Variants in CHORDC1 observed in about 807,000 individuals in gnomAD.
CHORDC1 encodes the protein cysteine and histidine-rich domain-containing protein 1.
A neutral mutation model predicts 48.3 loss-of-function variants in CHORDC1; 25 were observed. The ratio of observed to expected loss-of-function variants is 0.52; its 90% confidence interval spans 0.38 to 0.72. CHORDC1 has a LOEUF of 0.72. Ranked by LOEUF, CHORDC1 falls within the 30% of genes least tolerant of loss-of-function variation. The probability of loss-of-function intolerance (pLI) is 0.00; values close to 1 mark genes in which losing one functional copy is unlikely to be tolerated. For synonymous variants in CHORDC1, 128 were observed against 126.4 expected, an observed-to-expected ratio of 1.01 and a Z score of -0.09; for missense variants, 317 against 388.7, an observed-to-expected ratio of 0.82 and a Z score of 1.55.
At chr11:90,220,477 C>A (rs1858138563) in intron 1 of CHORDC1, among the ~76,000 whole-genome samples, 1 of 152,022 alleles carries the variant, frequency 6.6e-6, no homozygotes, top group African/African-American at 2.4e-5. Context: ...GAGAATAGAT[C>A]CAGTATTTTC....
At position 90,201,845 on chromosome 11, in the gene CHORDC1, C is replaced by A. The variant is rs1408588205; in HGVS notation, c.*560G>T. 1 of 152,298 alleles carries A rather than the reference C, an allele frequency of 6.6e-6. No homozygotes were observed. Among genetic ancestry groups the A allele is most frequent in the African/African-American group, 2.4e-5 (1 of 41,392 alleles). 9.4% of individuals were successfully genotyped at this position (152,298 alleles called of 1,614,324 possible). A position where few individuals can be genotyped will look rare whatever the true frequency, so the allele number is the denominator to read the frequency against. ...ATTTAAAAATTCAAGTAGTTGTAAA[C>A]AAATTCTAATTTGTTAAACAATTCA... is the stretch of plus-strand genomic sequence containing the variant. On this transcript the variant is annotated 3_prime_UTR_variant, in exon 11 of 11. Transcript: ENST00000320585.
Position 90,205,574 on chromosome 11 carries a change from TATC to T in CHORDC1, c.564-12_564-10del. The T allele has an allele frequency of 6.7e-7, 1 of 1,493,310 alleles. No individual in the cohort carries two copies. The highest frequency in any genetic ancestry group is 1.2e-5 in the South Asian group (1 of 82,930). The allele number at this position is 1,493,310 out of a possible 1,614,324, so 92.5% of individuals were successfully genotyped here. A position where few individuals can be genotyped will look rare whatever the true frequency, so the allele number is the denominator to read the frequency against. On this transcript the variant is annotated splice_polypyrimidine_tract_variant and intron_variant, in intron 7 of 10. Transcript: ENST00000320585. ...AGCTCCAGTATTTCATCCTTTAAATTATCACAGAAAAACTTCAGAAATAAAATC... is the reference window on the plus strand; with the variant it reads ...AGCTCCAGTATTTCATCCTTTAAATTACAGAAAAACTTCAGAAATAAAATC...
intron 2 of CHORDC1, 29 bp downstream of exon 2, chr11:90,218,106 T>C (rs1433627562): frequency 1.4e-6 from 2 of 1,472,556 alleles, no homozygotes; most frequent in Non-Finnish European, 9.2e-7. Context: ...ACTACACAGA[T>C]ATGAAAAAAA....
intron 4 of CHORDC1, chr11:90,212,887 T>G (rs1393122147): frequency 6.6e-6 from 1 of 152,100 alleles, no homozygotes; most frequent in Non-Finnish European, 1.5e-5. Context: ...CTTCTCAAAG[T>G]GCTGGATTAT....
At chr11:90,204,013 T>TA (rs1857605926) in intron 8 of CHORDC1, among the ~76,000 whole-genome samples, 1 of 152,166 alleles carries the variant, frequency 6.6e-6, no homozygotes, top group African/African-American at 2.4e-5. Context: ...TATTTTTTTT[T>TA]ATAGAGGCAA....
In CHORDC1 at chr11:90,200,874, A is replaced by G. The variant is rs1274308391; in HGVS notation, c.*1531T>C. Among the ~76,000 whole-genome samples, 1 of 151,966 alleles carries G rather than the reference A, an allele frequency of 6.6e-6. No individual in the cohort carries two copies. Among genetic ancestry groups the G allele is most frequent in the Non-Finnish European group, 1.5e-5 (1 of 67,854 alleles). ...AACCCATAAAGACTTCATGTCTCTA[A>G]ATGGTTCCTAAATCATGGAAGATAA... On this transcript the variant is annotated 3_prime_UTR_variant, in exon 11 of 11. Coordinates refer to ENST00000320585, the MANE Select transcript of CHORDC1 (RefSeq NM_012124.3).
chr11:90,220,725 G>A (rs1191742024), intron 1 of CHORDC1, among the ~76,000 whole-genome samples: 1 of 152,050 alleles, frequency 6.6e-6, no homozygotes, highest in African/African-American at 2.4e-5. Context: ...AGTTTTAAGA[G>A]TTTTGGCAAA....
At chr11:90,207,122 A>G (rs1857718114) in intron 6 of CHORDC1, 1 of 207,522 alleles carries the variant, frequency 4.8e-6, no homozygotes, top group Non-Finnish European at 1.0e-5. Context: ...CCTCTTCAGC[A>G]TCTCCTCTCC....
At position 90,202,521 on chromosome 11, in the gene CHORDC1, T is replaced by C. The variant is rs781220550; in HGVS notation, c.883A>G (p.Met295Val). ...VIDVKRSYVT[M>V]TATKIEITMR... Reference sequence around the variant, plus strand: ...GTGATTTCAATCTTTGTTGCAGTCATAGTTACATAACTTCGCTTTACATCA... The same window carrying C: ...GTGATTTCAATCTTTGTTGCAGTCACAGTTACATAACTTCGCTTTACATCA... Residue 295 changes from methionine to valine, a missense_variant, in exon 11 of 11, where the codon ATG becomes GTG. Physicochemically the swap from Met to Val is conservative, Grantham distance 21 (BLOSUM62 1). Transcript: ENST00000320585. 31 of 1,613,352 alleles carry C rather than the reference T, an allele frequency of 1.9e-5. 1 individual carries two copies. The highest frequency in any genetic ancestry group is 2.4e-5 in the Non-Finnish European group (28 of 1,179,640).
chr11:90,206,044 T>C, intron 7 of CHORDC1, 158 bp downstream of exon 7: 1 of 642,568 alleles, frequency 1.6e-6, no homozygotes. Context: ...ACACACAACA[T>C]ACAAACCCCT....
intron 1 of CHORDC1, 104 bp from the exon 2 acceptor site, chr11:90,218,288 A>C (rs1858071682): frequency 7.9e-6 from 6 of 763,676 alleles, no homozygotes; most frequent in Non-Finnish European, 1.2e-5. Flanking sequence ...CTTTTTCCAA[A>C]CGCAAGTACC....
At position 90,201,940 on chromosome 11, in the gene CHORDC1, A is replaced by C. The variant is rs1857552932; in HGVS notation, c.*465T>G. On this transcript the variant is annotated 3_prime_UTR_variant, in exon 11 of 11. Transcript: ENST00000320585. ...TTAAAAAAGTAATCATCCCACATAG[A>C]AAAAACTGCAGAGCTTCATCTCTTC... 1 of 152,542 alleles carries C rather than the reference A, an allele frequency of 6.6e-6. No individual in the cohort carries two copies. The highest frequency in any genetic ancestry group is 6.5e-5 in the Admixed American group (1 of 15,270). The allele number at this position is 152,542 out of a possible 1,614,324, so 9.4% of individuals were successfully genotyped here. A position where few individuals can be genotyped will look rare whatever the true frequency, so the allele number is the denominator to read the frequency against.
At position 90,200,646 on chromosome 11, in the gene CHORDC1, ATGTGTGTG is replaced by A. The variant is rs34095734; in HGVS notation, c.*1751_*1758del. Among the ~76,000 whole-genome samples, 1 of 150,572 alleles carries A rather than the reference ATGTGTGTG, an allele frequency of 6.6e-6. No individual in the cohort carries two copies. Among genetic ancestry groups the A allele is most frequent in the Non-Finnish European group, 1.5e-5 (1 of 67,362 alleles). ...GACTAAATATAAAAGCTACATATGT[ATGTGTGTG>A]TGTGTGTGTATAAATCAATGTTTTG... On this transcript the variant is annotated 3_prime_UTR_variant, in exon 11 of 11. Coordinates refer to ENST00000320585, the MANE Select transcript of CHORDC1 (RefSeq NM_012124.3).
rs1361458720 is a variant in CHORDC1, at chr11:90,215,475, TA to T, written c.115-246del. 1.5e-3 allele frequency among the ~76,000 whole-genome samples: 223 copies of T among 152,188 alleles called. 1 individual carries two copies. Among genetic ancestry groups the T allele is most frequent in the African/African-American group, 5.2e-3 (217 of 41,578 alleles). ...GCCCTATCATCAAGGGAAGCACCTT[TA>T]TAAAACAAAAACTGTTTCTCTTTTC... On this transcript the variant is annotated intron_variant, in intron 2 of 10. Transcript: ENST00000320585.
Position 90,205,515 on chromosome 11 carries a change from A to G in CHORDC1, c.614T>C (p.Phe205Ser). The change falls in exon 8 of 11, where the codon TTC (phenylalanine) becomes TCC (serine). Residue 205 changes from phenylalanine (F) to serine (S), a missense_variant. By Grantham distance (155) the Phe-to-Ser change is radical. Transcript: ENST00000320585. ...TTTTGTACAGCCCTCTTGGGCTAAG[A>G]ATGTATTAAAATCAGAAGTTTTTCT... Reference protein sequence around the residue: ...CRRKTSDFNTFLAQEGCTKGK... With the variant: ...CRRKTSDFNTSLAQEGCTKGK... 1 of 1,603,674 alleles carries G rather than the reference A, an allele frequency of 6.2e-7. No homozygotes were observed. Among genetic ancestry groups the G allele is most frequent in the Non-Finnish European group, 8.5e-7 (1 of 1,177,358 alleles).
chr11:90,202,943 A>T (rs1857578498), intron 9 of CHORDC1, 68 bp from the exon 10 acceptor site: 1 of 1,484,836 alleles, frequency 6.7e-7, no homozygotes, highest in African/African-American at 1.4e-5. Context: ...AACACTGATT[A>T]TAAAAATAAG....
chr11:90,207,615 G>A (rs561044031), intron 6 of CHORDC1: 1 of 151,938 alleles, frequency 6.6e-6, no homozygotes, highest in African/African-American at 2.4e-5. Flanking sequence ...GTAAGCAAGA[G>A]ACATTAGAGA....
At chr11:90,206,790 T>C (rs1034138296) in intron 6 of CHORDC1, 13 of 1,287,152 alleles carry the variant, frequency 1.0e-5, no homozygotes, top group South Asian at 1.2e-5. Context: ...CCGGGCCCCA[T>C]TGCTGCTGTA....
At chr11:90,210,009 T>A (rs1591053521) in intron 6 of CHORDC1, among the ~76,000 whole-genome samples, 1 of 152,310 alleles carries the variant, frequency 6.6e-6, no homozygotes, top group East Asian at 1.9e-4. Context: ...TGTTATTCCT[T>A]GAATAGCCAA....
Sources: allele counts gnomAD v4.1 joint callset (sites outside exome capture counted in the v4.1 genomes callset), GRCh38; gene constraint gnomAD v4.1.1; transcripts MANE v1.5; gene names NCBI Gene and HGNC (gene_info 2026-07-23, HGNC 2026-07-21).